ZKSCAN7: variants seen among roughly 807,000 people sequenced by gnomAD.
The protein encoded by ZKSCAN7 is zinc finger protein with KRAB and SCAN domains 7.
In ZKSCAN7, 38 loss-of-function variants were observed where a neutral mutation model predicts 65.3. The ratio of observed to expected loss-of-function variants is 0.58; its 90% confidence interval spans 0.45 to 0.76. The LOEUF is 0.76. ZKSCAN7 is among the 30% of genes least tolerant of loss of function. The pLI is 0.00. For missense variants in ZKSCAN7, 815 were observed against 913.3 expected (o/e 0.89, Z 1.39); for synonymous variants, 321 against 321.0 (o/e 1.00, Z 0.00).
intron 2 of ZKSCAN7, among the ~76,000 whole-genome samples, chr3:44,560,383 C>A (rs1575358449): frequency 1.3e-5 from 2 of 152,114 alleles, no homozygotes; most frequent in Non-Finnish European, 2.9e-5. Context: ...CAGGAGCAAG[C>A]CACTTTATTG....
intron 5 of ZKSCAN7, among the ~76,000 whole-genome samples, chr3:44,579,290 T>C (rs1215617547): frequency 6.6e-6 from 1 of 152,180 alleles, no homozygotes; most frequent in Non-Finnish European, 1.5e-5. Flanking sequence ...ACGCTCCCGC[T>C]CCAGCTCCCC....
intron 2 of ZKSCAN7, among the ~76,000 whole-genome samples, chr3:44,563,552 AAGAG>A (rs1449474926): frequency 2.6e-5 from 4 of 152,292 alleles, no homozygotes; most frequent in African/African-American, 7.2e-5. Context: ...TGTGGCAGGA[AAGAG>A]AGAGCACACA....
At chr3:44,561,946 A>G (rs1207871514) in intron 2 of ZKSCAN7, among the ~76,000 whole-genome samples, 3 of 152,190 alleles carry the variant, frequency 2.0e-5, no homozygotes, top group Non-Finnish European at 4.4e-5. Flanking sequence ...TGGATTTACC[A>G]TTCTGGGGTC....
intron 5 of ZKSCAN7, chr3:44,580,189 G>A: frequency 6.2e-7 from 1 of 1,610,432 alleles, no homozygotes; most frequent in East Asian, 2.2e-5. Flanking sequence ...GGGGGCAGCT[G>A]CTGTTCTTCG....
At chr3:44,558,781 C>CTTTTT (rs1559422610) in intron 2 of ZKSCAN7, among the ~76,000 whole-genome samples, 9 of 74,308 alleles carry the variant, frequency 1.2e-4, no homozygotes, top group African/African-American at 3.3e-4. Flanking sequence ...CTTTCTTCTT[C>CTTTTT]ATTTTTTTTT....
intron 2 of ZKSCAN7, among the ~76,000 whole-genome samples, chr3:44,564,579 T>C (rs6778955): frequency 0.27 from 41,808 of 152,102 alleles, 6,269 homozygotes; most frequent in Non-Finnish European, 0.32. Context: ...TGAGTCTGAC[T>C]ATCCCTGCTT....
At position 44,571,104 on chromosome 3, in the gene ZKSCAN7, G is replaced by A. The variant is rs560147920; in HGVS notation, c.1994G>A (p.Cys665Tyr). 6.2e-7 allele frequency: 1 copy of A among 1,614,122 alleles called. No homozygotes were observed. Among genetic ancestry groups the A allele is most frequent in the South Asian group, 1.1e-5 (1 of 91,080 alleles). ...RIHTGEKPYE[C>Y]NECGKVFSYS... is the part of the protein sequence containing the mutation. ...CACACTGGTGAGAAACCCTATGAAT[G>A]TAATGAGTGTGGGAAGGTATTCAGT... is the stretch of plus-strand genomic sequence containing the variant. Residue 665 changes from cysteine to tyrosine, a missense_variant, in exon 6 of 6, where the codon TGT becomes TAT. Coordinates refer to ENST00000426540, the MANE Select transcript of ZKSCAN7 (RefSeq NM_001288590.2).
intron 2 of ZKSCAN7, among the ~76,000 whole-genome samples, chr3:44,561,084 A>G (rs1181099499): frequency 6.6e-6 from 1 of 152,186 alleles, no homozygotes; most frequent in Non-Finnish European, 1.5e-5. Flanking sequence ...GAAACCTGTG[A>G]TTCTGTATTA....
At chr3:44,579,978 G>GT (rs1402599174) in intron 5 of ZKSCAN7, 69 of 1,570,278 alleles carry the variant, frequency 4.4e-5, no homozygotes, top group East Asian at 3.4e-4. Context: ...AGGAGCTTGG[G>GT]GGGGGGCTTC....
At chr3:44,568,833 A>G (rs1405512692) in intron 5 of ZKSCAN7, among the ~76,000 whole-genome samples, 1 of 152,232 alleles carries the variant, frequency 6.6e-6, no homozygotes, top group Non-Finnish European at 1.5e-5. Context: ...CCTGTGTTCC[A>G]GTGTGAATGT....
At chr3:44,561,061 T>G (rs1463656919) in intron 2 of ZKSCAN7, among the ~76,000 whole-genome samples, 1 of 152,218 alleles carries the variant, frequency 6.6e-6, no homozygotes, top group Non-Finnish European at 1.5e-5. Context: ...GGTTTTCATG[T>G]CTTCAAGGAA....
At position 44,570,208 on chromosome 3, in the gene ZKSCAN7, G is replaced by C. The variant is rs1261967600; in HGVS notation, c.1098G>C (p.Leu366=). 2 of 1,614,210 alleles carry C rather than the reference G, an allele frequency of 1.2e-6. No homozygotes were observed. The highest frequency in any genetic ancestry group is 1.7e-5 in the Admixed American group (1 of 60,024). Residue 366 remains leucine, a synonymous_variant, in exon 6 of 6, where the codon CTG becomes CTC. Coordinates refer to ENST00000426540, the MANE Select transcript of ZKSCAN7 (RefSeq NM_001288590.2). The part of the protein sequence containing the change: ...KYKEVGEHPP[L]SSSPVEHEGV... ...AGGAAGTTGGGGAACATCCACCTCT[G>C]TCTTCCAGTCCTGTTGAACATGAAG...
Position 44,570,449 on chromosome 3 carries a change from G to T in ZKSCAN7, c.1339G>T (p.Ala447Ser), listed in dbSNP as rs772505364. Residue 447 changes from alanine (A) to serine (S), a missense_variant, in exon 6 of 6, where the codon GCC (alanine) becomes TCC (serine). By Grantham distance (99) the Ala-to-Ser change is moderately conservative. This residue lies in a region of ZKSCAN7 where 578 missense variants were observed against 629.5 expected (regional missense o/e 0.92). Coordinates refer to ENST00000426540, the MANE Select transcript of ZKSCAN7 (RefSeq NM_001288590.2). ...KPYECSECGKAYRHSSHLIQH... is the reference protein window; with the variant it reads ...KPYECSECGKSYRHSSHLIQH... ...CTATGAATGCAGTGAGTGTGGAAAGGCCTATAGGCACAGCTCCCATCTCAT... is the reference window on the plus strand; with the variant it reads ...CTATGAATGCAGTGAGTGTGGAAAGTCCTATAGGCACAGCTCCCATCTCAT... 1.2e-5 allele frequency: 20 copies of T among 1,613,936 alleles called. No individual in the cohort carries two copies. Among genetic ancestry groups the T allele is most frequent in the Non-Finnish European group, 1.5e-5 (18 of 1,180,016 alleles).
At chr3:44,565,054 C>T (rs1265143994) in intron 2 of ZKSCAN7, among the ~76,000 whole-genome samples, 6 of 152,302 alleles carry the variant, frequency 3.9e-5, no homozygotes, top group South Asian at 2.1e-4. Flanking sequence ...CCAACCACCT[C>T]GGCCTCCAAA....
chr3:44,570,111 T>C lies in ZKSCAN7; in HGVS notation c.1001T>C (p.Leu334Pro). 2 of 1,613,952 alleles carry C rather than the reference T, an allele frequency of 1.2e-6. No homozygotes were observed. The highest frequency in any genetic ancestry group is 1.7e-6 in the Non-Finnish European group (2 of 1,179,966). Residue 334 changes from leucine (L) to proline (P), a missense_variant, in exon 6 of 6, where the codon CTA becomes CCA. Leu to Pro is a moderately conservative substitution (Grantham distance 98, BLOSUM62 -3). This residue lies in a region of ZKSCAN7 where 578 missense variants were observed against 629.5 expected (regional missense o/e 0.92). Transcript: ENST00000426540. ...ACCTCAGATGAAGAAGGGAGCAGAC[T>C]AGAAAATGATTTCTTGGAAATAACA... ...GQTSDEEGSRLENDFLEITDE... is the reference protein window; with the variant it reads ...GQTSDEEGSRPENDFLEITDE...
In ZKSCAN7 at chr3:44,570,902, G is replaced by A. The variant is rs757722057; in HGVS notation, c.1792G>A (p.Glu598Lys). 6.2e-7 allele frequency: 1 copy of A among 1,613,988 alleles called. No homozygotes were observed. Among genetic ancestry groups the A allele is most frequent in the African/African-American group, 1.3e-5 (1 of 74,908 alleles). ...FNQNSQLIEHERIHTGEKPFE... is the reference protein window; with the variant it reads ...FNQNSQLIEHKRIHTGEKPFE... ...TCAGAACTCTCAACTCATTGAGCAT[G>A]AGCGAATTCATACTGGAGAAAAACC... The change falls in exon 6 of 6, where the codon GAG becomes AAG. Residue 598 changes from glutamate to lysine, a missense_variant. Transcript: ENST00000426540.
In ZKSCAN7 at chr3:44,557,189, C is replaced by A. The variant is rs143604959; in HGVS notation, c.142C>A (p.Pro48Thr). The A allele has an allele frequency of 2.5e-6, 4 of 1,614,276 alleles. No homozygotes were observed. In the South Asian group the frequency reaches 4.4e-5, roughly 18 times the overall value. ...CAGCAGTCTCCAGAAGAACTATCCT[C>A]CTGTCTGCGAAATCTTCCGGCTACA... ...QGSSLQKNYP[P>T]VCEIFRLHFR... The change falls in exon 2 of 6, where the codon CCT becomes ACT. Residue 48 changes from proline (P) to threonine (T), a missense_variant. This residue lies in a region of ZKSCAN7 where 227 missense variants were observed against 253.3 expected (regional missense o/e 0.90). Coordinates refer to ENST00000426540, the MANE Select transcript of ZKSCAN7 (RefSeq NM_001288590.2).
chr3:44,556,852 T>G, intron 1 of ZKSCAN7, 78 bp from the exon 2 acceptor site: 1 of 730,190 alleles, frequency 1.4e-6, no homozygotes, highest in South Asian at 1.8e-5. Context: ...GGAGCTTTGT[T>G]TTTTAACTCA....
chr3:44,569,854 C>G, intron 5 of ZKSCAN7, 68 bp from the exon 6 acceptor site: 1 of 1,472,912 alleles, frequency 6.8e-7, no homozygotes, highest in Non-Finnish European at 9.0e-7. Flanking sequence ...TATGTTAGCT[C>G]TTAATGATTC....
Sources: gnomAD v4.1 joint callset for allele counts (sites outside exome capture counted in the v4.1 genomes callset) on GRCh38, gnomAD v4.1.1 for gene constraint, gnomAD v4.1.1 regional missense constraint, MANE v1.5 for transcripts, NCBI Gene and HGNC (gene_info 2026-07-23, HGNC 2026-07-21) for gene names.